The following COBLL1 variants were observed in gnomAD, a reference collection of about 807,000 sequenced individuals.
COBLL1 encodes cordon-bleu protein-like 1.
COBLL1 carries 50 observed loss-of-function variants against 94.8 expected under a neutral mutation model. The observed-to-expected ratio is 0.53, with a 90% CI of 0.42 to 0.67. The LOEUF is 0.67. COBLL1 is among the 30% of genes least tolerant of loss of function. The pLI is 0.00. For synonymous variants in COBLL1, 448 were observed against 473.8 expected (o/e 0.95, Z 0.71); for missense variants, 1,362 against 1,348.7 (o/e 1.01, Z -0.15).
chr2:164,696,708 A>C (rs915047523), intron 11 of COBLL1: 16 of 152,342 alleles, frequency 1.1e-4, no homozygotes, highest in Admixed American at 9.2e-4. Flanking sequence ...CTTCCAGTCA[A>C]CAACATGATG....
chr2:164,797,067 T>C (rs1008958513), intron 2 of COBLL1, among the ~76,000 whole-genome samples: 1 of 152,214 alleles, frequency 6.6e-6, no homozygotes, highest in African/African-American at 2.4e-5. Context: ...CATTTGGTAT[T>C]GCCTATAAAG....
chr2:164,716,401 A>G (rs35408742), intron 7 of COBLL1, among the ~76,000 whole-genome samples: 13,263 of 152,172 alleles, frequency 0.087, 631 homozygotes, highest in African/African-American at 0.12. Flanking sequence ...AAAAACTACC[A>G]AGAAATACTG....
chr2:164,799,640 T>TA lies in COBLL1; in HGVS notation c.41+41515dup, dbSNP rs1559027805. On this transcript the variant is annotated intron_variant, in intron 2 of 13. Transcript: ENST00000652658. Reference sequence around the variant, plus strand: ...CAGTATAATAAAGGAACTAGAATTTTAAAAAAGGCAAAAAAGAATAGCAAG... The same window carrying TA: ...CAGTATAATAAAGGAACTAGAATTTTAAAAAAAGGCAAAAAAGAATAGCAAG... Among the ~76,000 whole-genome samples, 5 of 152,108 alleles carry TA rather than the reference T, an allele frequency of 3.3e-5. No homozygotes were observed. The South Asian group carries it at 8.3e-4, about 25-fold the overall frequency.
chr2:164,839,341 C>G (rs968509792), intron 2 of COBLL1, among the ~76,000 whole-genome samples: 9 of 152,060 alleles, frequency 5.9e-5, no homozygotes, highest in Non-Finnish European at 1.2e-4. Flanking sequence ...ACTGGTAAAC[C>G]CAACACTTTG....
At chr2:164,826,916 C>T (rs553652193) in intron 2 of COBLL1, among the ~76,000 whole-genome samples, 6 of 149,942 alleles carry the variant, frequency 4.0e-5, no homozygotes, top group African/African-American at 1.2e-4. Flanking sequence ...TTGTTTCTCT[C>T]TCTTTTTTGT....
intron 2 of COBLL1, among the ~76,000 whole-genome samples, chr2:164,832,981 T>A (rs945106552): frequency 6.6e-6 from 1 of 151,400 alleles, no homozygotes; most frequent in Non-Finnish European, 1.5e-5. Context: ...AGAGGGAGGT[T>A]GTGGTGAGCC....
chr2:164,769,635 G>A (rs1574554208), intron 2 of COBLL1, among the ~76,000 whole-genome samples: 1 of 152,170 alleles, frequency 6.6e-6, no homozygotes, highest in East Asian at 1.9e-4. Context: ...AAGGGAGACA[G>A]ATCACTTGAG....
At chr2:164,793,303 AAAAAC>A (rs1683282958) in intron 2 of COBLL1, among the ~76,000 whole-genome samples, 1 of 152,070 alleles carries the variant, frequency 6.6e-6, no homozygotes, top group Admixed American at 6.6e-5. Context: ...GCTTTTCTTA[AAAAAC>A]AAAACAAAGC....
intron 2 of COBLL1, among the ~76,000 whole-genome samples, chr2:164,827,565 A>G (rs1406479105): frequency 6.6e-6 from 1 of 152,142 alleles, no homozygotes; most frequent in Non-Finnish European, 1.5e-5. Flanking sequence ...ACCTTCCATT[A>G]TTTGGTCTTA....
chr2:164,692,070 T>C (rs1367745919), intron 13 of COBLL1, 151 bp downstream of exon 13: 10 of 625,778 alleles, frequency 1.6e-5, no homozygotes, highest in South Asian at 2.8e-5. Context: ...TGTAAGACTC[T>C]GGAACTCTTT....
In COBLL1 at chr2:164,680,291, T is replaced by C. The variant is rs189046742; in HGVS notation, c.*5655A>G. ...TAACCCACATACCCACCACCTAGAT[T>C]TAACAATTGTAACCGTCATAATAAT... On this transcript the variant is annotated 3_prime_UTR_variant, in exon 14 of 14. Transcript: ENST00000652658. 7 of 152,236 alleles carry C rather than the reference T, an allele frequency of 4.6e-5. No individual in the cohort carries two copies. The highest frequency in any genetic ancestry group is 1.7e-4 in the African/African-American group (7 of 41,548). The allele number at this position is 152,236 out of a possible 1,614,324, so 9.4% of individuals were successfully genotyped here. A position where few individuals can be genotyped will look rare whatever the true frequency, so the allele number is the denominator to read the frequency against.
chr2:164,759,842 A>G lies in COBLL1; in HGVS notation c.42-15967T>C, dbSNP rs137944310. Among the ~76,000 whole-genome samples, 126 of 152,358 alleles carry G rather than the reference A, an allele frequency of 8.3e-4. 2 individuals are homozygous for G. The highest frequency in any genetic ancestry group is 2.9e-3 in the African/African-American group (120 of 41,582). On this transcript the variant is annotated intron_variant, in intron 2 of 13. Transcript: ENST00000652658. ...TTATCTATTAGGAAAATGCAAATTA[A>G]AGCTATGATGATCTACCACTACACA...
intron 2 of COBLL1, among the ~76,000 whole-genome samples, chr2:164,775,287 T>A (rs1355284610): frequency 6.6e-6 from 1 of 152,156 alleles, no homozygotes; most frequent in Non-Finnish European, 1.5e-5. Context: ...ATGCCCCTCA[T>A]GCTGCTCCAG....
At position 164,680,281 on chromosome 2, in the gene COBLL1, C is replaced by T. The variant is rs993659717; in HGVS notation, c.*5665G>A. On this transcript the variant is annotated 3_prime_UTR_variant, in exon 14 of 14. Transcript: ENST00000652658. The stretch of plus-strand genomic sequence containing the variant: ...ATGTACAATATAACCCACATACCCA[C>T]CACCTAGATTTAACAATTGTAACCG... 4.6e-5 allele frequency: 7 copies of T among 152,086 alleles called. No homozygotes were observed. Among genetic ancestry groups the T allele is most frequent in the Non-Finnish European group, 8.8e-5 (6 of 68,014 alleles). The allele number at this position is 152,086 out of a possible 1,614,324, so 9.4% of individuals were successfully genotyped here.
chr2:164,815,649 T>G (rs1684694562), intron 2 of COBLL1, among the ~76,000 whole-genome samples: 1 of 152,144 alleles, frequency 6.6e-6, no homozygotes, highest in South Asian at 2.1e-4. Flanking sequence ...TACTTGGTAT[T>G]AAGAATATCA....
chr2:164,798,815 C>T (rs944617592), intron 2 of COBLL1, among the ~76,000 whole-genome samples: 30 of 151,858 alleles, frequency 2.0e-4, no homozygotes, highest in African/African-American at 6.0e-4. Flanking sequence ...GTCAGGAGAT[C>T]GAGACCACCC....
chr2:164,800,739 G>GACAC (rs1315398917), intron 2 of COBLL1, among the ~76,000 whole-genome samples: 2 of 152,004 alleles, frequency 1.3e-5, no homozygotes, highest in African/African-American at 2.4e-5. Context: ...AGGAACCACT[G>GACAC]ACACACGTAA....
At chr2:164,667,385 T>C (rs917709266) in intron 1 of COBLL1, among the ~76,000 whole-genome samples, 4 of 152,326 alleles carry the variant, frequency 2.6e-5, no homozygotes, top group African/African-American at 7.2e-5. Flanking sequence ...CCAGTTCCAT[T>C]AGCCCCTAAC....
Position 164,692,385 on chromosome 2 carries a change from CAG to C in COBLL1, c.3134_3135del (p.Ser1045CysfsTer3), listed in dbSNP as rs1441490296. 9 of 1,601,742 alleles carry C rather than the reference CAG, an allele frequency of 5.6e-6. No individual in the cohort carries two copies. Among genetic ancestry groups the C allele is most frequent in the African/African-American group, 2.7e-5 (2 of 74,188 alleles). ...QLGVSDKENNSAHNEQNSQIP... is the reference protein window; with the variant it reads ...QLGVSDKENNXAHNEQNSQIP... The stretch of plus-strand genomic sequence containing the variant: ...ATTTGGGAATTCTGTTCATTATGTG[CAG>C]AGTTATTTTCCTACAAAAATAAATG... On this transcript the variant is annotated frameshift_variant, in exon 13 of 14. Coordinates refer to ENST00000652658, the MANE Select transcript of COBLL1 (RefSeq NM_001365672.2). LOFTEE classifies it high-confidence loss of function.
Sources: gnomAD v4.1 joint callset for allele counts (sites outside exome capture counted in the v4.1 genomes callset) on GRCh38, gnomAD v4.1.1 for gene constraint, MANE v1.5 for transcripts, NCBI Gene and HGNC (gene_info 2026-07-23, HGNC 2026-07-21) for gene names.